The following KMT2C variants were observed in gnomAD, a reference collection of about 807,000 sequenced individuals.
KMT2C encodes histone-lysine N-methyltransferase 2C.
KMT2C carries 88 observed loss-of-function variants against 507.9 expected under a neutral mutation model. That is an observed-to-expected ratio of 0.17 (90% confidence interval 0.15 to 0.21). KMT2C has a LOEUF of 0.21. KMT2C is among the 10% of genes least tolerant of loss of function. KMT2C has a pLI of 1.00. For synonymous variants in KMT2C, 2,049 were observed against 2,080.8 expected (o/e 0.98, Z 0.42); for missense variants, 4,954 against 5,957.8 (o/e 0.83, Z 5.55).
chr7:152,224,839 C>T (rs1164699412), intron 18 of KMT2C, among the ~76,000 whole-genome samples: 2 of 152,030 alleles, frequency 1.3e-5, no homozygotes, highest in Non-Finnish European at 2.9e-5. Flanking sequence ...TATTTTAACG[C>T]CTTTTTAAAG....
chr7:152,139,801 A>T lies in KMT2C; in HGVS notation c.14344-10T>A. 1.9e-6 allele frequency: 3 copies of T among 1,591,648 alleles called. No individual in the cohort carries two copies. The highest frequency in any genetic ancestry group is 2.6e-6 in the Non-Finnish European group (3 of 1,159,896). ...CATACAGGCCCAGCCCCTAAAAAAA[A>T]GTGTGTACATACTTCCAATTTATGT... On this transcript the variant is annotated splice_polypyrimidine_tract_variant and intron_variant, in intron 55 of 58. Transcript: ENST00000262189.
At chr7:152,242,459 G>A (rs866866008) in intron 14 of KMT2C, among the ~76,000 whole-genome samples, 1 of 151,940 alleles carries the variant, frequency 6.6e-6, no homozygotes, top group Non-Finnish European at 1.5e-5. Context: ...AAGCAAAATA[G>A]TTCCTAATGT....
chr7:152,425,983 TAAC>T (rs1408163501), intron 1 of KMT2C, among the ~76,000 whole-genome samples: 1 of 152,162 alleles, frequency 6.6e-6, no homozygotes, highest in African/African-American at 2.4e-5. Context: ...AAATCTACTC[TAAC>T]AACATTTAAA....
Position 152,377,734 on chromosome 7 carries a change from C to CAAAAAAA in KMT2C, c.162-19066_162-19060dup, listed in dbSNP as rs59181675. Among the ~76,000 whole-genome samples the CAAAAAAA allele has an allele frequency of 1.6e-3, 99 of 62,598 alleles. 1 individual carries two copies. The highest frequency in any genetic ancestry group is 4.2e-3 in the African/African-American group (88 of 20,758). 41.1% of individuals were successfully genotyped at this position (62,598 alleles called of 152,430 possible). On this transcript the variant is annotated intron_variant, in intron 1 of 58. Transcript: ENST00000262189. Reference sequence around the variant, plus strand: ...AGGGCGACAAAGCGAGACTCCGTCTCAAAAAAAAAAAAAAAAAAAAGTGAT... The same window carrying CAAAAAAA: ...AGGGCGACAAAGCGAGACTCCGTCTCAAAAAAAAAAAAAAAAAAAAAAAAAAAGTGAT...
chr7:152,375,409 G>C (rs962730906), intron 1 of KMT2C, among the ~76,000 whole-genome samples: 4 of 150,798 alleles, frequency 2.7e-5, no homozygotes, highest in Admixed American at 2.6e-4. Context: ...TTTTTGAGAC[G>C]GAGTCTTGCT....
chr7:152,321,079 C>A lies in KMT2C; in HGVS notation c.390-5741G>T, dbSNP rs1471977469. On this transcript the variant is annotated intron_variant, in intron 3 of 58. Transcript: ENST00000262189. ...CGAAACCCCGTCTCTACTAAAAATA[C>A]AAAAGTTAGCTGGGTATGGTGGCAC... 2.0e-5 allele frequency among the ~76,000 whole-genome samples: 3 copies of A among 151,704 alleles called. No homozygotes were observed. In the East Asian group the frequency reaches 5.8e-4, roughly 29 times the overall value.
chr7:152,256,498 AC>A (rs2095664382), intron 9 of KMT2C, among the ~76,000 whole-genome samples: 3 of 152,158 alleles, frequency 2.0e-5, no homozygotes, highest in Admixed American at 2.0e-4. Context: ...GGTCAAGGCT[AC>A]AGTGAACTAT....
In KMT2C at chr7:152,309,958, C is replaced by A. The variant is rs762935206; in HGVS notation, c.849+8G>T. ...ACTATGATTTAAATATTTGCTTTGT[C>A]TACTTACTTCTGTGCTCCCTGAGAC... is the stretch of plus-strand genomic sequence containing the variant. On this transcript the variant is annotated splice_region_variant and intron_variant, in intron 6 of 58. Coordinates refer to ENST00000262189, the MANE Select transcript of KMT2C (RefSeq NM_170606.3). 9 of 1,521,512 alleles carry A rather than the reference C, an allele frequency of 5.9e-6. No individual in the cohort carries two copies. In the South Asian group the frequency reaches 9.1e-5, roughly 15 times the overall value. The allele number at this position is 1,521,512 out of a possible 1,614,324, so 94.3% of individuals were successfully genotyped here.
chr7:152,367,531 T>C (rs575536387), intron 1 of KMT2C: 32 of 1,174,262 alleles, frequency 2.7e-5, no homozygotes, highest in South Asian at 1.6e-4. Flanking sequence ...CGAACCTGGA[T>C]TGGGAAAGTC....
At chr7:152,189,879 G>A (rs979440507) in intron 31 of KMT2C, among the ~76,000 whole-genome samples, 57 of 152,146 alleles carry the variant, frequency 3.7e-4, no homozygotes, top group African/African-American at 1.4e-3. Flanking sequence ...CATTAAGGCA[G>A]GGGTCCCCAA....
intron 18 of KMT2C, among the ~76,000 whole-genome samples, chr7:152,225,738 A>G (rs760993570): frequency 3.4e-4 from 52 of 152,356 alleles, no homozygotes; most frequent in Non-Finnish European, 6.5e-4. Flanking sequence ...CCACTGGCAC[A>G]TATCAGAGCA....
intron 2 of KMT2C, among the ~76,000 whole-genome samples, chr7:152,334,747 C>G (rs903497701): frequency 2.6e-5 from 4 of 152,146 alleles, no homozygotes; most frequent in African/African-American, 9.7e-5. Context: ...CGCAATGCTC[C>G]AGGTGATGGC....
chr7:152,344,369 C>G (rs893955527), intron 2 of KMT2C, among the ~76,000 whole-genome samples: 2 of 152,138 alleles, frequency 1.3e-5, no homozygotes, highest in Non-Finnish European at 2.9e-5. Context: ...TGTGCTGGAC[C>G]AAGAGATGAT....
At chr7:152,422,469 G>A (rs1317771068) in intron 1 of KMT2C, among the ~76,000 whole-genome samples, 1 of 151,470 alleles carries the variant, frequency 6.6e-6, no homozygotes, top group Non-Finnish European at 1.5e-5. Flanking sequence ...GAAAAAAAAA[G>A]AAAACCCTGG....
At chr7:152,153,888 T>C (rs1418959141) in intron 48 of KMT2C, 122 bp downstream of exon 48, 1 of 965,050 alleles carries the variant, frequency 1.0e-6, no homozygotes, top group African/African-American at 1.6e-5. Context: ...GAGCATCAGC[T>C]CTGCTCTCTG....
chr7:152,273,847 G>A lies in KMT2C; in HGVS notation c.870C>T (p.His290=), dbSNP rs2129177753. ...GSTERCAFCK[H]LGATIKCCEE... is the part of the protein sequence containing the mutation. ...CACAGCATTTGATAGTGGCTCCAAG[G>A]TGCTTACAAAATGCACATCGCTGAA... The change falls in exon 7 of 59, where the codon CAC becomes CAT. Residue 290 remains histidine (H), a synonymous_variant. Transcript: ENST00000262189. 6.2e-7 allele frequency: 1 copy of A among 1,613,520 alleles called. No homozygotes were observed. Among genetic ancestry groups the A allele is most frequent in the Non-Finnish European group, 8.5e-7 (1 of 1,179,590 alleles).
chr7:152,263,943 T>G (rs2095821380), intron 8 of KMT2C, among the ~76,000 whole-genome samples: 1 of 152,138 alleles, frequency 6.6e-6, no homozygotes, highest in Non-Finnish European at 1.5e-5. Context: ...AATCTCTGAA[T>G]GAAATCTGGG....
chr7:152,297,006 AAAGAAAG>A (rs2096507750), intron 6 of KMT2C, among the ~76,000 whole-genome samples: 1 of 70,826 alleles, frequency 1.4e-5, no homozygotes, highest in African/African-American at 8.1e-5. Flanking sequence ...AAAAAGAAAG[AAAGAAAG>A]AAAGAAAGAA....
At chr7:152,287,615 G>A (rs1226317491) in intron 6 of KMT2C, among the ~76,000 whole-genome samples, 1 of 152,118 alleles carries the variant, frequency 6.6e-6, no homozygotes, top group Admixed American at 6.6e-5. Context: ...ACCATACTAA[G>A]AACCAGGAAA....
Sources: allele counts gnomAD v4.1 joint callset (sites outside exome capture counted in the v4.1 genomes callset), GRCh38; gene constraint gnomAD v4.1.1; transcripts MANE v1.5; gene names NCBI Gene and HGNC (gene_info 2026-07-23, HGNC 2026-07-21).